The following ABCC9 variants were observed in gnomAD, a reference collection of about 807,000 sequenced individuals.
ABCC9 encodes ATP binding cassette subfamily C member 9, also known as ATP-binding cassette sub-family C member 9.
ABCC9 carries 95 observed loss-of-function variants against 188.3 expected under a neutral mutation model. The ratio of observed to expected loss-of-function variants is 0.50; its 90% confidence interval spans 0.43 to 0.60. ABCC9 has a LOEUF of 0.60. ABCC9 is among the 20% of genes least tolerant of loss of function. The pLI is 0.00. For missense variants in ABCC9, 1,102 were observed against 1,876.3 expected, an observed-to-expected ratio of 0.59 and a Z score of 7.62; for synonymous variants, 659 against 652.7, an observed-to-expected ratio of 1.01 and a Z score of -0.15.
intron 12 of ABCC9, among the ~76,000 whole-genome samples, chr12:21,900,176 G>A (rs905380243): frequency 7.2e-5 from 11 of 152,156 alleles, no homozygotes; most frequent in South Asian, 2.1e-4. Context: ...TGCAGCCTCC[G>A]CTGCTGATAC....
At chr12:21,831,818 A>T (rs556098206) in intron 30 of ABCC9, among the ~76,000 whole-genome samples, 12 of 152,304 alleles carry the variant, frequency 7.9e-5, no homozygotes, top group African/African-American at 2.9e-4. Context: ...GGACTGTGTG[A>T]TGGAGAGATT....
At chr12:21,870,809 A>T (rs1252075096) in intron 18 of ABCC9, among the ~76,000 whole-genome samples, 2 of 152,242 alleles carry the variant, frequency 1.3e-5, no homozygotes, top group Non-Finnish European at 2.9e-5. Context: ...AAAACAATAC[A>T]AAACTTTATG....
chr12:21,816,702 G>A (rs1942672260), intron 33 of ABCC9, among the ~76,000 whole-genome samples: 1 of 152,138 alleles, frequency 6.6e-6, no homozygotes, highest in Non-Finnish European at 1.5e-5. Context: ...TTTTGTCCTT[G>A]AAGAACTAGA....
At chr12:21,903,271 G>T (rs1271956855) in intron 12 of ABCC9, among the ~76,000 whole-genome samples, 1 of 152,106 alleles carries the variant, frequency 6.6e-6, no homozygotes, top group East Asian at 1.9e-4. Context: ...GTATTGATGG[G>T]ACGTATCTCA....
intron 30 of ABCC9, among the ~76,000 whole-genome samples, chr12:21,833,113 G>T (rs1943868831): frequency 6.6e-6 from 1 of 152,108 alleles, no homozygotes; most frequent in Admixed American, 6.5e-5. Context: ...AGACTCTGGG[G>T]ACTTGGGGTG....
At chr12:21,816,365 T>C (rs924080304) in intron 33 of ABCC9, among the ~76,000 whole-genome samples, 1 of 152,220 alleles carries the variant, frequency 6.6e-6, no homozygotes, top group South Asian at 2.1e-4. Flanking sequence ...CTTGGGGAAT[T>C]GTCCAGTAGG....
At chr12:21,921,564 C>G (rs1305830747) in intron 5 of ABCC9, among the ~76,000 whole-genome samples, 1 of 151,980 alleles carries the variant, frequency 6.6e-6, no homozygotes, top group Non-Finnish European at 1.5e-5. Context: ...TGTGCAGAAG[C>G]TTTTTAACTT....
rs777836104 is a variant in ABCC9 at position 21,917,027 on chromosome 12, G to A, written c.483C>T (p.Asp161=). ...TGATGCAGAAACGCAGGTTTGATAT[G>A]TCCAAGCCAGACTGACAGTACTTAA... ...KLVKYCQSGL[D]ISNLRFCITG... Residue 161 remains aspartate (D), a synonymous_variant, in exon 6 of 40, where the codon GAC becomes GAT. Transcript: ENST00000261200. The A allele has an allele frequency of 6.2e-7, 1 of 1,613,890 alleles. No homozygotes were observed. The highest frequency in any genetic ancestry group is 2.2e-5 in the East Asian group (1 of 44,866).
intron 19 of ABCC9, among the ~76,000 whole-genome samples, chr12:21,864,002 C>A (rs562478510): frequency 6.7e-6 from 1 of 149,460 alleles, no homozygotes; most frequent in Non-Finnish European, 1.5e-5. Context: ...GCCTGCTTTC[C>A]CCCCCACCCC....
chr12:21,902,368 T>C (rs1207632612), intron 12 of ABCC9, among the ~76,000 whole-genome samples: 1 of 152,090 alleles, frequency 6.6e-6, no homozygotes, highest in African/African-American at 2.4e-5. Context: ...ACGGACACCC[T>C]AACATCACAA....
chr12:21,909,882 C>G (rs1271139107), intron 10 of ABCC9, among the ~76,000 whole-genome samples: 1 of 151,850 alleles, frequency 6.6e-6, no homozygotes, highest in Non-Finnish European at 1.5e-5. Flanking sequence ...TATTATTATT[C>G]TCATTTACAG....
In ABCC9 at chr12:21,853,729, G is replaced by A. The variant is rs187046736; in HGVS notation, c.2506-1224C>T. Among the ~76,000 whole-genome samples the A allele has an allele frequency of 1.7e-3, 254 of 152,176 alleles. 1 individual carries two copies. The highest frequency in any genetic ancestry group is 5.9e-3 in the African/African-American group (246 of 41,504). Reference sequence around the variant, plus strand: ...GAGCTAGAAACAACTGAAGAAAACTGGAATGTATCCTCAAACTATGAGTTA... The same window carrying A: ...GAGCTAGAAACAACTGAAGAAAACTAGAATGTATCCTCAAACTATGAGTTA... On this transcript the variant is annotated intron_variant, in intron 22 of 39. Transcript: ENST00000261200.
intron 4 of ABCC9, among the ~76,000 whole-genome samples, chr12:21,931,050 A>C (rs778836327): frequency 3.9e-5 from 6 of 152,198 alleles, no homozygotes; most frequent in Non-Finnish European, 7.4e-5. Context: ...AAGCACATTT[A>C]AATTTAAAAA....
At chr12:21,858,359 A>C (rs1945332805) in intron 22 of ABCC9, among the ~76,000 whole-genome samples, 1 of 152,106 alleles carries the variant, frequency 6.6e-6, no homozygotes, top group East Asian at 1.9e-4. Context: ...GGATCACTTG[A>C]GGTCAGGAGT....
intron 22 of ABCC9, among the ~76,000 whole-genome samples, chr12:21,858,214 T>G (rs1226540229): frequency 6.6e-6 from 1 of 152,018 alleles, no homozygotes; most frequent in Admixed American, 6.6e-5. Flanking sequence ...GTTCCTCAGG[T>G]TCAGTCAGTA....
In ABCC9 at chr12:21,936,528, C is replaced by T. The variant is rs1213684549; in HGVS notation, c.142+5G>A. On this transcript the variant is annotated splice_donor_5th_base_variant and intron_variant, in intron 3 of 39. Transcript: ENST00000261200. The stretch of plus-strand genomic sequence containing the variant: ...TGGTATAACATAAGATACTAGATTA[C>T]TTACCAATAAACAATATTGGAAAAG... 1 of 1,608,656 alleles carries T rather than the reference C, an allele frequency of 6.2e-7. No individual in the cohort carries two copies. Among genetic ancestry groups the T allele is most frequent in the Admixed American group, 1.7e-5 (1 of 59,822 alleles).
chr12:21,854,024 G>C (rs1290979649), intron 22 of ABCC9, among the ~76,000 whole-genome samples: 1 of 152,178 alleles, frequency 6.6e-6, no homozygotes, highest in African/African-American at 2.4e-5. Flanking sequence ...ATGGGCCCAA[G>C]AAAGAAGGAG....
chr12:21,896,099 ACTTTTC>A (rs755669175), intron 12 of ABCC9, among the ~76,000 whole-genome samples: 1 of 128,054 alleles, frequency 7.8e-6, no homozygotes, highest in Non-Finnish European at 1.7e-5. Flanking sequence ...TTTTTTTTTT[ACTTTTC>A]TTTTTTTTTT....
intron 15 of ABCC9, among the ~76,000 whole-genome samples, chr12:21,885,525 C>T (rs879206087): frequency 1.0e-3 from 156 of 152,190 alleles, no homozygotes; most frequent in African/African-American, 3.5e-3. Flanking sequence ...CTGCTTATCC[C>T]CCTATCTCTG....
Sources: allele counts gnomAD v4.1 joint callset (sites outside exome capture counted in the v4.1 genomes callset), GRCh38; gene constraint gnomAD v4.1.1; transcripts MANE v1.5; gene names NCBI Gene and HGNC (gene_info 2026-07-23, HGNC 2026-07-21).